NAALADL2: variants seen among roughly 807,000 people sequenced by gnomAD.
The protein encoded by NAALADL2 is N-acetylated alpha-linked acidic dipeptidase like 2.
NAALADL2 carries 76 observed loss-of-function variants against 87.2 expected under a neutral mutation model. The ratio of observed to expected loss-of-function variants is 0.87; its 90% confidence interval spans 0.72 to 1.05. The LOEUF is 1.05. NAALADL2 is among the 50% of genes least tolerant of loss of function. The pLI is 0.00. For synonymous variants in NAALADL2, 354 were observed against 331.0 expected, an observed-to-expected ratio of 1.07 and a Z score of -0.75; for missense variants, 1,089 against 945.8, an observed-to-expected ratio of 1.15 and a Z score of -1.99.
chr3:174,577,434 T>C (rs1256824290), intron 2 of NAALADL2, among the ~76,000 whole-genome samples: 1 of 152,196 alleles, frequency 6.6e-6, no homozygotes, highest in South Asian at 2.1e-4. Flanking sequence ...AGACAGAAAC[T>C]GGGGATACTT....
At chr3:175,570,954 AC>A in intron 9 of NAALADL2, among the ~76,000 whole-genome samples, 1 of 151,946 alleles carries the variant, frequency 6.6e-6, no homozygotes, top group East Asian at 1.9e-4. Context: ...TGAATGTTAC[AC>A]TTTTCTTGCT....
intron 5 of NAALADL2, among the ~76,000 whole-genome samples, chr3:175,433,512 A>G (rs745994910): frequency 6.6e-6 from 1 of 152,010 alleles, no homozygotes; most frequent in Non-Finnish European, 1.5e-5. Context: ...AGAACACCCT[A>G]GCTTATTAAC....
chr3:175,662,170 T>C (rs991636419), intron 11 of NAALADL2, among the ~76,000 whole-genome samples: 3 of 152,024 alleles, frequency 2.0e-5, no homozygotes, highest in African/African-American at 7.2e-5. Flanking sequence ...ATTTCTTTCA[T>C]CAGTCTTTTA....
chr3:175,130,764 T>C (rs1727705174), intron 2 of NAALADL2, among the ~76,000 whole-genome samples: 1 of 152,228 alleles, frequency 6.6e-6, no homozygotes, highest in South Asian at 2.1e-4. Flanking sequence ...CACTGGTATA[T>C]ATGTCTGTTT....
chr3:175,167,708 A>G (rs980906757), intron 2 of NAALADL2, among the ~76,000 whole-genome samples: 16 of 151,978 alleles, frequency 1.1e-4, no homozygotes, highest in African/African-American at 3.9e-4. Flanking sequence ...TAAACCTTGA[A>G]CAATATCTTC....
At chr3:175,212,464 TCATATGGTAAAA>T (rs1386331549) in intron 2 of NAALADL2, among the ~76,000 whole-genome samples, 1 of 151,926 alleles carries the variant, frequency 6.6e-6, no homozygotes, top group East Asian at 1.9e-4. Flanking sequence ...CAAAAAGAAA[TCATATGGTAAAA>T]CAGTACATCT....
chr3:174,865,716 G>A (rs1000934724), intron 1 of NAALADL2, among the ~76,000 whole-genome samples: 1 of 151,770 alleles, frequency 6.6e-6, no homozygotes, highest in African/African-American at 2.4e-5. Context: ...GAGGAATCTA[G>A]GAATTTATAG....
At chr3:174,642,999 C>T (rs892039677) in intron 2 of NAALADL2, among the ~76,000 whole-genome samples, 15 of 152,130 alleles carry the variant, frequency 9.9e-5, no homozygotes, top group Middle Eastern at 6.8e-3. Flanking sequence ...CCAGCCTGGT[C>T]TTGAACTCCT....
intron 2 of NAALADL2, among the ~76,000 whole-genome samples, chr3:175,138,887 AATATATATATATATATATATATAT>A (rs58824117): frequency 3.2e-4 from 31 of 95,434 alleles, no homozygotes; most frequent in African/African-American, 1.5e-3. Flanking sequence ...AGCCTTTTAA[AATATATATATATATATATATATAT>A]ATATATATAT....
At chr3:175,406,851 T>C (rs916844433) in intron 5 of NAALADL2, among the ~76,000 whole-genome samples, 1 of 152,076 alleles carries the variant, frequency 6.6e-6, no homozygotes, top group African/African-American at 2.4e-5. Context: ...CCTGGTTCAG[T>C]TTTATTCAAA....
chr3:174,628,660 G>C (rs1422498901), intron 2 of NAALADL2, among the ~76,000 whole-genome samples: 1 of 152,082 alleles, frequency 6.6e-6, no homozygotes, highest in Non-Finnish European at 1.5e-5. Context: ...CATGCTGACA[G>C]AGCTATTATT....
At chr3:175,709,276 C>T (rs148268238) in intron 11 of NAALADL2, among the ~76,000 whole-genome samples, 38 of 152,172 alleles carry the variant, frequency 2.5e-4, no homozygotes, top group African/African-American at 9.2e-4. Context: ...CATAGATAAA[C>T]ATATCATGCT....
At chr3:175,091,425 G>T (rs544102082) in intron 1 of NAALADL2, among the ~76,000 whole-genome samples, 7 of 152,154 alleles carry the variant, frequency 4.6e-5, no homozygotes, top group African/African-American at 1.4e-4. Flanking sequence ...ATCATGGATT[G>T]TCATAGGAAA....
chr3:175,681,146 T>A lies in NAALADL2; in HGVS notation c.1896+53760T>A, dbSNP rs973495295. On this transcript the variant is annotated intron_variant, in intron 11 of 13. Coordinates refer to ENST00000454872, the MANE Select transcript of NAALADL2 (RefSeq NM_207015.3). Reference sequence around the variant, plus strand: ...CAAAACAAACAAAAAACAGCCTTTATAATTCTTATCTAAATTTATTTTTCA... The same window carrying A: ...CAAAACAAACAAAAAACAGCCTTTAAAATTCTTATCTAAATTTATTTTTCA... Among the ~76,000 whole-genome samples, 3 of 152,252 alleles carry A rather than the reference T, an allele frequency of 2.0e-5. No homozygotes were observed. In the East Asian group the frequency reaches 5.8e-4, roughly 29 times the overall value.
chr3:175,547,292 C>A (rs1259590555), intron 9 of NAALADL2, among the ~76,000 whole-genome samples: 1 of 152,040 alleles, frequency 6.6e-6, no homozygotes, highest in African/African-American at 2.4e-5. Context: ...CTTCTACAAA[C>A]CTGATAAAAA....
chr3:175,740,868 T>C (rs1255348745), intron 12 of NAALADL2, among the ~76,000 whole-genome samples: 3 of 152,336 alleles, frequency 2.0e-5, no homozygotes, highest in Non-Finnish European at 2.9e-5. Context: ...TTTTTTCTTG[T>C]GTAAGATCCA....
intron 9 of NAALADL2, among the ~76,000 whole-genome samples, chr3:175,574,795 GT>G (rs1339113128): frequency 6.6e-6 from 1 of 152,068 alleles, no homozygotes; most frequent in Non-Finnish European, 1.5e-5. Context: ...TTGAAATTAT[GT>G]CACGCCAGAG....
chr3:175,219,202 A>G lies in NAALADL2; in HGVS notation c.546-14729A>G, dbSNP rs542504507. Among the ~76,000 whole-genome samples, 6 of 152,178 alleles carry G rather than the reference A, an allele frequency of 3.9e-5. No individual in the cohort carries two copies. In the East Asian group the frequency reaches 1.2e-3, roughly 29 times the overall value. On this transcript the variant is annotated intron_variant, in intron 2 of 13. Transcript: ENST00000454872. ...AATATGAGAAATCTAGTTAGTCCAT[A>G]TTTGGCCAACAGTTGGTATTGTTAG...
At chr3:175,368,204 G>C (rs1765913413) in intron 5 of NAALADL2, among the ~76,000 whole-genome samples, 1 of 152,154 alleles carries the variant, frequency 6.6e-6, no homozygotes, top group African/African-American at 2.4e-5. Context: ...CAGGGATGAA[G>C]CCCACTTGAT....
Sources: gnomAD v4.1 joint callset for allele counts (sites outside exome capture counted in the v4.1 genomes callset) on GRCh38, gnomAD v4.1.1 for gene constraint, MANE v1.5 for transcripts, NCBI Gene and HGNC (gene_info 2026-07-23, HGNC 2026-07-21) for gene names.